FGF13: variants seen among roughly 807,000 people sequenced by gnomAD.
FGF13 encodes fibroblast growth factor homologous factor 2.
In FGF13, 2 loss-of-function variants were observed where a neutral mutation model predicts 19.5. That is an observed-to-expected ratio of 0.10 (90% CI 0.04 to 0.32). The LOEUF (loss-of-function observed/expected upper bound fraction) is 0.32, where lower values mean the gene tolerates loss of function less well. Among genes scored for constraint, FGF13 ranks in the 10% least tolerant of loss-of-function variants. FGF13 has a pLI of 1.00. For synonymous variants in FGF13, 72 were observed against 76.9 expected, an observed-to-expected ratio of 0.94 and a Z score of 0.33; for missense variants, 113 against 192.7, an observed-to-expected ratio of 0.59 and a Z score of 2.45.
At chrX:138,778,964 G>A (rs1007095265) in intron 3 of FGF13, among the ~76,000 whole-genome samples, 1 of 112,404 alleles carries the variant, frequency 8.9e-6, no homozygotes, top group African/African-American at 3.2e-5. Flanking sequence ...ACGAGCTGGA[G>A]ATCTGAGAAC....
chrX:139,183,408 C>T (rs2084255281), intron 1 of FGF13, among the ~76,000 whole-genome samples: 1 of 111,462 alleles, frequency 9.0e-6, no homozygotes, highest in African/African-American at 3.3e-5. Flanking sequence ...CACGTTGAAA[C>T]GCGACCTCCA....
At chrX:139,128,926 G>T (rs141044399) in intron 1 of FGF13, among the ~76,000 whole-genome samples, 1,610 of 109,828 alleles carry the variant, frequency 0.015, 30 homozygotes, top group African/African-American at 0.051. Context: ...TAGACCTTCT[G>T]CAGTCTATTT....
intron 3 of FGF13, among the ~76,000 whole-genome samples, chrX:138,653,954 A>G (rs2089404628): frequency 8.9e-6 from 1 of 111,995 alleles, no homozygotes; most frequent in South Asian, 3.7e-4. Context: ...ATAGCGTCCC[A>G]GATTGGTGTG....
intron 3 of FGF13, among the ~76,000 whole-genome samples, chrX:138,832,406 G>A (rs1265193821): frequency 9.0e-6 from 1 of 111,014 alleles, no homozygotes; most frequent in African/African-American, 3.3e-5. Flanking sequence ...TTACTCTAAT[G>A]ACCAGTGATG....
intron 1 of FGF13, among the ~76,000 whole-genome samples, chrX:139,012,190 A>G (rs938376753): frequency 6.2e-5 from 7 of 112,147 alleles, no homozygotes; most frequent in African/African-American, 1.6e-4. Context: ...GAAATAAATT[A>G]TAGATGACAC....
At chrX:138,939,728 G>A (rs1216295016) in intron 1 of FGF13, among the ~76,000 whole-genome samples, 1 of 111,745 alleles carries the variant, frequency 8.9e-6, no homozygotes, top group Non-Finnish European at 1.9e-5. Context: ...CTTCATCCAT[G>A]TTGCTGCAAA....
intron 3 of FGF13, among the ~76,000 whole-genome samples, chrX:138,641,458 T>C (rs1455533650): frequency 8.9e-6 from 1 of 112,104 alleles, no homozygotes; most frequent in Non-Finnish European, 1.9e-5. Flanking sequence ...ATTTTCCAGA[T>C]TAAAAGTTAG....
chrX:138,824,427 T>A (rs2091020289), intron 3 of FGF13, among the ~76,000 whole-genome samples: 1 of 111,551 alleles, frequency 9.0e-6, no homozygotes, highest in African/African-American at 3.3e-5. Flanking sequence ...CAAAGCTGTA[T>A]CCTAAATGCA....
chrX:138,984,598 A>AAGAAGAAGAAGAAGAAGAAGAG (rs2091983438), intron 1 of FGF13, among the ~76,000 whole-genome samples: 1 of 39,076 alleles, frequency 2.6e-5, no homozygotes, highest in African/African-American at 8.2e-5. Context: ...AAGGAGGAGG[A>AAGAAGAAGAAGAAGAAGAAGAG]GGAGGAGGAG....
intron 1 of FGF13, among the ~76,000 whole-genome samples, chrX:139,117,878 C>T (rs1250305320): frequency 1.8e-5 from 2 of 111,529 alleles, no homozygotes; most frequent in African/African-American, 6.5e-5. Flanking sequence ...TGCTTCCTCA[C>T]ATATTCTATC....
At chrX:138,818,897 T>C (rs1389213004) in intron 3 of FGF13, among the ~76,000 whole-genome samples, 1 of 111,765 alleles carries the variant, frequency 8.9e-6, no homozygotes, top group African/African-American at 3.3e-5. Context: ...TACAGAGCAG[T>C]AGACCAGGTG....
intron 1 of FGF13, among the ~76,000 whole-genome samples, chrX:138,717,600 T>G (rs776705011): frequency 2.4e-4 from 26 of 110,146 alleles, no homozygotes; most frequent in Admixed American, 5.8e-4. Context: ...TGCTAGTGTT[T>G]TTGTTGTTGT....
chrX:138,831,202 A>C (rs1048951853), intron 3 of FGF13, among the ~76,000 whole-genome samples: 7 of 111,685 alleles, frequency 6.3e-5, no homozygotes, highest in Non-Finnish European at 1.3e-4. Flanking sequence ...TTATATTTCA[A>C]AGGATGTTGT....
intron 1 of FGF13, among the ~76,000 whole-genome samples, chrX:139,117,806 T>C (rs765899964): frequency 5.4e-5 from 6 of 111,801 alleles, no homozygotes; most frequent in African/African-American, 2.0e-4. Context: ...ACTCATACAG[T>C]GAGTCCCCTG....
intron 1 of FGF13, among the ~76,000 whole-genome samples, chrX:138,986,712 G>A (rs2124342254): frequency 8.9e-6 from 1 of 111,733 alleles, no homozygotes; most frequent in African/African-American, 3.3e-5. Context: ...TTAAAGAGTA[G>A]GCTGACATAC....
intron 1 of FGF13, among the ~76,000 whole-genome samples, chrX:139,044,517 C>T (rs998471501): frequency 2.2e-4 from 24 of 111,521 alleles, no homozygotes; most frequent in African/African-American, 5.9e-4. Flanking sequence ...TACAATTCAA[C>T]GTAAGATTTG....
chrX:139,161,612 C>G (rs750887803), intron 1 of FGF13, among the ~76,000 whole-genome samples: 2 of 111,993 alleles, frequency 1.8e-5, no homozygotes, highest in Non-Finnish European at 3.8e-5. Context: ...GTCAAATTGT[C>G]TCTGTATGCA....
chrX:138,867,787 A>ATCTG (rs1485667289), intron 1 of FGF13, among the ~76,000 whole-genome samples: 1 of 69,477 alleles, frequency 1.4e-5, no homozygotes, highest in Non-Finnish European at 2.8e-5. Context: ...CTCTAAATCT[A>ATCTG]TCTATCTATC....
chrX:138,711,820 C>T (rs1257097513), upstream of FGF13, among the ~76,000 whole-genome samples: 1 of 104,608 alleles, frequency 9.6e-6, no homozygotes, highest in East Asian at 3.1e-4. Context: ...CCCACCCCCA[C>T]CCCCCCAAGT....
Sources: allele counts gnomAD v4.1 joint callset (sites outside exome capture counted in the v4.1 genomes callset), GRCh38; gene constraint gnomAD v4.1.1; transcripts MANE v1.5; gene names NCBI Gene and HGNC (gene_info 2026-07-23, HGNC 2026-07-21).